L3HYPDH: variants seen among roughly 807,000 people sequenced by gnomAD.
L3HYPDH encodes trans-3-hydroxy-L-proline dehydratase.
L3HYPDH carries 32 observed loss-of-function variants against 26.5 expected under a neutral mutation model. The observed-to-expected ratio is 1.21, with a 90% CI of 0.91 to 1.62. The LOEUF (loss-of-function observed/expected upper bound fraction) is 1.62, where lower values mean the gene tolerates loss of function less well. Ranked by LOEUF, L3HYPDH falls within the 40% of genes most tolerant of loss-of-function variation. The pLI, the probability that L3HYPDH is intolerant of heterozygous loss-of-function variation, is 0.00. For synonymous variants in L3HYPDH, 215 were observed against 196.6 expected (o/e 1.09, Z -0.78); for missense variants, 554 against 476.4 (o/e 1.16, Z -1.52).
At chr14:59,492,956 C>T in the L3HYPDH span, among the ~76,000 whole-genome samples, 1 of 152,032 alleles carries the variant, frequency 6.6e-6, no homozygotes, top group South Asian at 2.1e-4. Context: ...TGCCACCACG[C>T]CCGGCCAATT....
chr14:59,483,624 C>A, intron 1 of L3HYPDH, 185 bp downstream of exon 1: 1 of 1,434,118 alleles, frequency 7.0e-7, no homozygotes, highest in Non-Finnish European at 9.1e-7. Context: ...CAGGGAAAAT[C>A]GAAATTACAC....
downstream of L3HYPDH, among the ~76,000 whole-genome samples, chr14:59,470,076 AGAAGG>A (rs1330873187): frequency 3.3e-5 from 5 of 152,210 alleles, no homozygotes; most frequent in African/African-American, 1.2e-4. Context: ...TTTTCAGAAA[AGAAGG>A]TAAGGCAATT....
At position 59,484,363 on chromosome 14, in the gene L3HYPDH, A is replaced by T. The variant is rs1372441275; in HGVS notation, c.-47T>A. The T allele has an allele frequency of 2.0e-6, 3 of 1,530,408 alleles. No homozygotes were observed. Among genetic ancestry groups the T allele is most frequent in the East Asian group, 4.5e-5 (2 of 44,244 alleles). 94.8% of individuals were successfully genotyped at this position (1,530,408 alleles called of 1,614,324 possible). ...GTACGGTCCCGCAGCTATGGCTTCA[A>T]GCCCGACCCTCACCCACTGACTCCG... On this transcript the variant is annotated 5_prime_UTR_variant, in exon 1 of 5. In the 5' UTR this introduces an upstream ATG that the reference lacks. Transcript: ENST00000247194.
At chr14:59,490,899 C>T in the L3HYPDH span, among the ~76,000 whole-genome samples, 53 of 152,100 alleles carry the variant, frequency 3.5e-4, no homozygotes, top group Non-Finnish European at 6.2e-4. Flanking sequence ...TGAATTCAGA[C>T]GTCAGCTATG....
At chr14:59,487,295 T>A (rs1890659761), upstream of L3HYPDH, 2 of 155,018 alleles carry the variant, frequency 1.3e-5, no homozygotes, top group Non-Finnish European at 1.4e-5. Flanking sequence ...TATTATTTTT[T>A]AAAACATTTA....
the L3HYPDH span, among the ~76,000 whole-genome samples, chr14:59,492,894 T>A: frequency 6.6e-6 from 1 of 151,004 alleles, no homozygotes; most frequent in Non-Finnish European, 1.5e-5. Flanking sequence ...GCCTCCCAGG[T>A]TCACGTCATT....
At chr14:59,491,919 A>G in the L3HYPDH span, among the ~76,000 whole-genome samples, 3 of 152,252 alleles carry the variant, frequency 2.0e-5, no homozygotes, top group Non-Finnish European at 4.4e-5. Flanking sequence ...ATGGCTGCTG[A>G]CAAAAGTAGC....
At chr14:59,500,648 C>T in the L3HYPDH span, among the ~76,000 whole-genome samples, 1 of 152,162 alleles carries the variant, frequency 6.6e-6, no homozygotes, top group Non-Finnish European at 1.5e-5. Context: ...CGGTTCCCCA[C>T]CTTGACCACA....
chr14:59,492,350 A>G, the L3HYPDH span, among the ~76,000 whole-genome samples: 1 of 152,226 alleles, frequency 6.6e-6, no homozygotes, highest in Non-Finnish European at 1.5e-5. Context: ...CTGAGAAAGA[A>G]GGAGATGGAA....
chr14:59,483,664 G>C, intron 1 of L3HYPDH, 145 bp downstream of exon 1: 1 of 1,451,088 alleles, frequency 6.9e-7, no homozygotes, highest in Non-Finnish European at 9.1e-7. Context: ...GCTGACACAC[G>C]TTGGCAGTGA....
the L3HYPDH span, chr14:59,500,874 G>A: frequency 6.1e-5 from 12 of 196,534 alleles, no homozygotes; most frequent in East Asian, 3.7e-4. Context: ...AGTATGAAAC[G>A]TATGTTTTAT....
the L3HYPDH span, among the ~76,000 whole-genome samples, chr14:59,503,378 T>C: frequency 1.3e-5 from 2 of 152,218 alleles, no homozygotes; most frequent in East Asian, 3.8e-4. Context: ...ATCAGAGTGT[T>C]CATGTGTCAT....
chr14:59,474,333 T>G (rs1889476622), intron 4 of L3HYPDH: 2 of 544,620 alleles, frequency 3.7e-6, no homozygotes, highest in South Asian at 5.1e-5. Flanking sequence ...AAAATTAGCT[T>G]AAAAGCAGCT....
intron 1 of L3HYPDH, among the ~76,000 whole-genome samples, chr14:59,481,555 A>G (rs1890024679): frequency 6.6e-6 from 1 of 152,210 alleles, no homozygotes; most frequent in Non-Finnish European, 1.5e-5. Flanking sequence ...CTATACAAGC[A>G]TATCACTGAA....
At chr14:59,495,615 A>T in the L3HYPDH span, among the ~76,000 whole-genome samples, 1 of 152,218 alleles carries the variant, frequency 6.6e-6, no homozygotes, top group Non-Finnish European at 1.5e-5. Context: ...TTCTGTATGC[A>T]ATTATGCCAG....
chr14:59,483,545 C>G, intron 1 of L3HYPDH: 1 of 1,398,364 alleles, frequency 7.2e-7, no homozygotes, highest in Admixed American at 3.2e-5. Context: ...CAGAGGGAGG[C>G]GCTGAGTCAG....
chr14:59,474,470 C>T (rs1387013832), intron 4 of L3HYPDH: 11 of 695,992 alleles, frequency 1.6e-5, no homozygotes, highest in African/African-American at 5.3e-5. Flanking sequence ...TTTGGTCTCT[C>T]GGCTCCCTCT....
chr14:59,495,457 C>G, the L3HYPDH span, among the ~76,000 whole-genome samples: 1 of 152,006 alleles, frequency 6.6e-6, no homozygotes, highest in East Asian at 1.9e-4. Context: ...TCCACACATT[C>G]TAGATACCAT....
chr14:59,484,077 T>C lies in L3HYPDH; in HGVS notation c.240A>G (p.Leu80=), dbSNP rs369411025. ...GCGCGTCCGGCAGCTCGCTCGGGAC[T>C]AGGACCGCCCCGTACATGTCCCGGT... ...RGHRDMYGAV[L]VPSELPDAHL... The change falls in exon 1 of 5, where the codon CTA becomes CTG. Residue 80 remains leucine (L), a synonymous_variant. Coordinates refer to ENST00000247194, the MANE Select transcript of L3HYPDH (RefSeq NM_144581.2). The C allele has an allele frequency of 1.6e-4, 259 of 1,606,890 alleles. No individual in the cohort carries two copies. The highest frequency in any genetic ancestry group is 1.9e-4 in the Non-Finnish European group (227 of 1,179,578).
Sources: gnomAD v4.1 joint callset for allele counts (sites outside exome capture counted in the v4.1 genomes callset) on GRCh38, gnomAD v4.1.1 for gene constraint, MANE v1.5 for transcripts, NCBI Gene and HGNC (gene_info 2026-07-23, HGNC 2026-07-21) for gene names.